Variants in KAZN observed in about 807,000 individuals in gnomAD.
KAZN encodes kazrin.
In KAZN, 40 loss-of-function variants were observed where a neutral mutation model predicts 87.4. The observed-to-expected ratio is 0.46, with a 90% confidence interval of 0.36 to 0.60. The LOEUF (loss-of-function observed/expected upper bound fraction) is 0.60, where lower values mean the gene tolerates loss of function less well. Ranked by LOEUF, KAZN falls within the 20% of genes least tolerant of loss-of-function variation. The pLI is 0.00. For synonymous variants in KAZN, 466 were observed against 458.3 expected (o/e 1.02, Z -0.22); for missense variants, 898 against 1,073.9 (o/e 0.84, Z 2.29).
At chr1:14,381,577 A>G (rs891461606) in intron 2 of KAZN, among the ~76,000 whole-genome samples, 2 of 152,222 alleles carry the variant, frequency 1.3e-5, no homozygotes, top group African/African-American at 2.4e-5. Context: ...GACAAAAACC[A>G]TATGATCATT....
intron 1 of KAZN, among the ~76,000 whole-genome samples, chr1:14,046,148 G>C (rs890874692): frequency 7.9e-5 from 12 of 152,164 alleles, no homozygotes; most frequent in African/African-American, 2.9e-4. Context: ...ATCATGGATG[G>C]TGGGTTCACC....
chr1:14,698,534 C>G (rs1348396643), intron 1 of KAZN, among the ~76,000 whole-genome samples: 1 of 152,252 alleles, frequency 6.6e-6, no homozygotes, highest in Non-Finnish European at 1.5e-5. Context: ...TCAGCAAACT[C>G]ATCTCCCAGG....
rs527783513 is a variant in KAZN at position 14,631,930 on chromosome 1, C to T, written c.226+32707C>T. 4.6e-5 allele frequency among the ~76,000 whole-genome samples: 7 copies of T among 152,286 alleles called. No homozygotes were observed. The South Asian group carries it at 1.4e-3, about 32-fold the overall frequency. On this transcript the variant is annotated intron_variant, in intron 1 of 14. Coordinates refer to ENST00000376030, the MANE Select transcript of KAZN (RefSeq NM_201628.3). ...ACACAACAAATTCTGGCAAGCACCC[C>T]CCAGCTTTGAATAAATGTTATTTTG... is the stretch of plus-strand genomic sequence containing the variant.
At chr1:14,031,578 A>G (rs1374505440) in intron 1 of KAZN, among the ~76,000 whole-genome samples, 1 of 152,202 alleles carries the variant, frequency 6.6e-6, no homozygotes, top group African/African-American at 2.4e-5. Context: ...TATGAATGAG[A>G]GGCAGAAGCT....
At chr1:14,153,254 T>C (rs1570886476) in intron 1 of KAZN, among the ~76,000 whole-genome samples, 2 of 152,316 alleles carry the variant, frequency 1.3e-5, no homozygotes, top group East Asian at 3.9e-4. Context: ...TGGGGTATCA[T>C]TCAAGAAATT....
At chr1:14,730,540 A>G (rs1238164776) in intron 1 of KAZN, among the ~76,000 whole-genome samples, 1 of 152,140 alleles carries the variant, frequency 6.6e-6, no homozygotes, top group African/African-American at 2.4e-5. Context: ...ACACAGGCAG[A>G]GTCTCATGTA....
intron 2 of KAZN, among the ~76,000 whole-genome samples, chr1:14,965,057 G>C (rs1463111472): frequency 6.6e-6 from 1 of 150,554 alleles, no homozygotes; most frequent in African/African-American, 2.4e-5. Context: ...TTGAGACAGA[G>C]TCTCACTCTG....
chr1:15,036,478 T>C (rs1239190350), intron 3 of KAZN, among the ~76,000 whole-genome samples: 1 of 151,650 alleles, frequency 6.6e-6, no homozygotes, highest in East Asian at 1.9e-4. Flanking sequence ...CCCATGCCTG[T>C]CACAGGCAAA....
intron 2 of KAZN, among the ~76,000 whole-genome samples, chr1:15,011,225 G>C (rs765046523): frequency 5.6e-4 from 85 of 152,334 alleles, no homozygotes; most frequent in African/African-American, 2.0e-3. Flanking sequence ...TATGTAGCCA[G>C]TTAGGGTAAG....
chr1:14,514,452 A>ATAT (rs1167026968), intron 2 of KAZN, among the ~76,000 whole-genome samples: 1 of 4,494 alleles, frequency 2.2e-4, no homozygotes, highest in African/African-American at 5.7e-4. Flanking sequence ...AAATATATAT[A>ATAT]TTATATATAT....
chr1:14,196,145 C>T (rs532107806), intron 2 of KAZN, among the ~76,000 whole-genome samples: 13 of 152,160 alleles, frequency 8.5e-5, no homozygotes, highest in Admixed American at 2.0e-4. Context: ...CAAGAGACAA[C>T]GGTGGTTGGA....
chr1:14,633,715 T>C (rs772260212), intron 1 of KAZN, among the ~76,000 whole-genome samples: 1 of 152,122 alleles, frequency 6.6e-6, no homozygotes, highest in African/African-American at 2.4e-5. Flanking sequence ...ACTCTCAGAC[T>C]CACAGAACAT....
chr1:14,014,795 T>G (rs927916289), intron 1 of KAZN, among the ~76,000 whole-genome samples: 8 of 152,126 alleles, frequency 5.3e-5, no homozygotes, highest in African/African-American at 1.9e-4. Context: ...TTTAAAATAA[T>G]AAGCCCCTGC....
chr1:15,082,615 T>C (rs1480514740), intron 8 of KAZN, among the ~76,000 whole-genome samples: 1 of 152,210 alleles, frequency 6.6e-6, no homozygotes, highest in African/African-American at 2.4e-5. Context: ...GAATTCCACC[T>C]CCCTCTCACT....
intron 2 of KAZN, among the ~76,000 whole-genome samples, chr1:14,366,375 C>T (rs1030920960): frequency 7.2e-5 from 11 of 152,184 alleles, no homozygotes; most frequent in Non-Finnish European, 1.3e-4. Flanking sequence ...ACAAGTTTCC[C>T]GGGCAATTAA....
chr1:14,419,427 T>C (rs1050991009), intron 2 of KAZN, among the ~76,000 whole-genome samples: 16 of 152,114 alleles, frequency 1.1e-4, no homozygotes, highest in Non-Finnish European at 2.2e-4. Context: ...TCACAGAACA[T>C]GAGTGCCCAA....
At chr1:14,938,317 G>A (rs371227209) in intron 1 of KAZN, among the ~76,000 whole-genome samples, 2 of 152,162 alleles carry the variant, frequency 1.3e-5, no homozygotes, top group Admixed American at 6.5e-5. Context: ...CAAGGCAGGC[G>A]GATCACCTGA....
At chr1:14,397,432 G>T (rs1253828711) in intron 2 of KAZN, among the ~76,000 whole-genome samples, 1 of 151,954 alleles carries the variant, frequency 6.6e-6, no homozygotes, top group Non-Finnish European at 1.5e-5. Context: ...TAGCATCTTG[G>T]GAGTTTCACC....
intron 1 of KAZN, among the ~76,000 whole-genome samples, chr1:14,795,008 C>T (rs1202194664): frequency 6.6e-6 from 1 of 152,160 alleles, no homozygotes; most frequent in African/African-American, 2.4e-5. Context: ...AGCTTTTGGA[C>T]TCTTGAACTT....
Sources: gnomAD v4.1 joint callset for allele counts (sites outside exome capture counted in the v4.1 genomes callset) on GRCh38, gnomAD v4.1.1 for gene constraint, MANE v1.5 for transcripts, NCBI Gene and HGNC (gene_info 2026-07-23, HGNC 2026-07-21) for gene names.